Variants in IMMP2L observed in about 807,000 individuals in gnomAD.
IMMP2L encodes inner mitochondrial membrane peptidase subunit 2, also known as mitochondrial inner membrane protease subunit 2.
A neutral mutation model predicts 19.3 loss-of-function variants in IMMP2L; 18 were observed. The observed-to-expected ratio is 0.93, with a 90% CI of 0.64 to 1.38. The LOEUF (loss-of-function observed/expected upper bound fraction) is 1.38, where lower values mean the gene tolerates loss of function less well. Ranked by LOEUF, IMMP2L falls within the 40% of genes most tolerant of loss-of-function variation. The pLI is 0.00. For synonymous variants in IMMP2L, 76 were observed against 73.0 expected, an observed-to-expected ratio of 1.04 and a Z score of -0.21; for missense variants, 233 against 218.2, an observed-to-expected ratio of 1.07 and a Z score of -0.43.
chr7:110,704,480 G>A (rs745610943), intron 5 of IMMP2L, among the ~76,000 whole-genome samples: 5 of 152,272 alleles, frequency 3.3e-5, no homozygotes, highest in Non-Finnish European at 4.4e-5. Context: ...AGACTCTATC[G>A]TAACCATTTT....
At chr7:110,862,822 A>G (rs1807585918) in intron 5 of IMMP2L, among the ~76,000 whole-genome samples, 1 of 152,070 alleles carries the variant, frequency 6.6e-6, no homozygotes, top group Admixed American at 6.6e-5. Flanking sequence ...GAAGATAAAG[A>G]TATCTTTCTC....
At chr7:111,011,197 G>C (rs895062290) in intron 3 of IMMP2L, among the ~76,000 whole-genome samples, 3 of 152,234 alleles carry the variant, frequency 2.0e-5, no homozygotes, top group Admixed American at 2.0e-4. Flanking sequence ...TGGAAAGAGA[G>C]AAAATCATGT....
At chr7:110,665,028 T>G (rs1007595463) in intron 5 of IMMP2L, 3 of 152,066 alleles carry the variant, frequency 2.0e-5, no homozygotes, top group Non-Finnish European at 4.4e-5. Context: ...AAAAAGATAA[T>G]CAAAAACACA....
intron 5 of IMMP2L, among the ~76,000 whole-genome samples, chr7:110,781,097 T>C (rs1799710035): frequency 6.6e-6 from 1 of 151,962 alleles, no homozygotes; most frequent in South Asian, 2.1e-4. Context: ...TTATAAGAAT[T>C]TGTAGATCAC....
chr7:111,031,381 G>GGA (rs1554496354), intron 3 of IMMP2L, among the ~76,000 whole-genome samples: 1 of 72,592 alleles, frequency 1.4e-5, no homozygotes. Context: ...GGGGTGTAGG[G>GGA]GTGTGTGTGT....
chr7:111,105,289 G>T (rs1798420095), intron 3 of IMMP2L, among the ~76,000 whole-genome samples: 1 of 151,790 alleles, frequency 6.6e-6, no homozygotes, highest in Non-Finnish European at 1.5e-5. Flanking sequence ...AACCTTCTAT[G>T]AATCTGACAT....
At chr7:110,900,592 A>C (rs535433742) in intron 4 of IMMP2L, among the ~76,000 whole-genome samples, 2 of 152,286 alleles carry the variant, frequency 1.3e-5, no homozygotes, top group Admixed American at 1.3e-4. Flanking sequence ...TTCCCATCAC[A>C]GTTAAAATAA....
intron 3 of IMMP2L, among the ~76,000 whole-genome samples, chr7:111,181,545 T>G (rs930528060): frequency 4.6e-5 from 7 of 151,934 alleles, no homozygotes. Context: ...CATATATAGC[T>G]ACTAGTTGGA....
At chr7:111,295,603 T>C (rs1052202013) in intron 3 of IMMP2L, among the ~76,000 whole-genome samples, 2 of 151,876 alleles carry the variant, frequency 1.3e-5, no homozygotes, top group African/African-American at 4.8e-5. Context: ...AGAAATCTTA[T>C]TATACGGTTA....
intron 3 of IMMP2L, among the ~76,000 whole-genome samples, chr7:111,424,779 A>G (rs1168601549): frequency 6.6e-6 from 1 of 151,824 alleles, no homozygotes; most frequent in Non-Finnish European, 1.5e-5. Context: ...CTACCACAAA[A>G]CCAAAACATT....
intron 3 of IMMP2L, among the ~76,000 whole-genome samples, chr7:110,969,956 G>A (rs1189557955): frequency 2.0e-5 from 3 of 152,100 alleles, no homozygotes; most frequent in Non-Finnish European, 4.4e-5. Flanking sequence ...CAGTACTGAT[G>A]AAACAACAAC....
chr7:110,673,178 G>A (rs73207091), intron 5 of IMMP2L, among the ~76,000 whole-genome samples: 3,978 of 152,352 alleles, frequency 0.026, 69 homozygotes, highest in Middle Eastern at 0.092. Flanking sequence ...TGCATCTGCA[G>A]GCCCAACCAC....
At chr7:110,841,861 C>T (rs1258685070) in intron 5 of IMMP2L, among the ~76,000 whole-genome samples, 1 of 152,120 alleles carries the variant, frequency 6.6e-6, no homozygotes, top group Non-Finnish European at 1.5e-5. Flanking sequence ...CTATTTCACC[C>T]TGTCCCAATG....
chr7:111,551,218 T>C (rs1002365280), intron 1 of IMMP2L, among the ~76,000 whole-genome samples: 1 of 152,184 alleles, frequency 6.6e-6, no homozygotes, highest in Non-Finnish European at 1.5e-5. Flanking sequence ...AGGAAAGATA[T>C]ATAAAAGTGT....
At chr7:110,891,239 A>G (rs112138833) in intron 4 of IMMP2L, among the ~76,000 whole-genome samples, 2 of 130,438 alleles carry the variant, frequency 1.5e-5, no homozygotes, top group Non-Finnish European at 3.2e-5. Flanking sequence ...ATAGAACCAG[A>G]AAAAAAAAAA....
At chr7:110,825,565 T>G (rs941304776) in intron 5 of IMMP2L, among the ~76,000 whole-genome samples, 3 of 151,936 alleles carry the variant, frequency 2.0e-5, no homozygotes, top group African/African-American at 7.3e-5. Context: ...TTGACAAACC[T>G]GACAAAAACA....
At chr7:110,884,468 T>C (rs1259147349) in intron 5 of IMMP2L, among the ~76,000 whole-genome samples, 2 of 152,064 alleles carry the variant, frequency 1.3e-5, no homozygotes, top group Non-Finnish European at 2.9e-5. Context: ...AAGATATTTA[T>C]CACACTAGAA....
At chr7:110,945,190 G>C (rs1817127401) in intron 4 of IMMP2L, among the ~76,000 whole-genome samples, 1 of 151,934 alleles carries the variant, frequency 6.6e-6, no homozygotes, top group Non-Finnish European at 1.5e-5. Context: ...CAGATTGTGA[G>C]GGGCCGCATC....
chr7:111,482,209 G>A (rs780290796), intron 3 of IMMP2L, among the ~76,000 whole-genome samples: 2 of 152,112 alleles, frequency 1.3e-5, no homozygotes, highest in Non-Finnish European at 2.9e-5. Context: ...AAATGAATGT[G>A]GATTCAAATT....
Sources: gnomAD v4.1 joint callset for allele counts (sites outside exome capture counted in the v4.1 genomes callset) on GRCh38, gnomAD v4.1.1 for gene constraint, MANE v1.5 for transcripts, NCBI Gene and HGNC (gene_info 2026-07-23, HGNC 2026-07-21) for gene names.